AKAP6: variants seen among roughly 807,000 people sequenced by gnomAD.
AKAP6 encodes the protein A-kinase anchor protein 6.
Under a neutral mutation model 188.5 loss-of-function variants are expected in AKAP6, and 58 were observed. The observed-to-expected ratio is 0.31, with a 90% CI of 0.25 to 0.38. The LOEUF (loss-of-function observed/expected upper bound fraction) is 0.38, where lower values mean the gene tolerates loss of function less well. Among genes scored for constraint, AKAP6 ranks in the 10% least tolerant of loss-of-function variants. AKAP6 has a pLI of 1.00. For synonymous variants in AKAP6, 989 were observed against 998.6 expected (o/e 0.99, Z 0.18); for missense variants, 2,710 against 2,740.0 (o/e 0.99, Z 0.24).
chr14:32,443,213 G>A (rs1337693565), intron 2 of AKAP6, among the ~76,000 whole-genome samples: 5 of 152,030 alleles, frequency 3.3e-5, no homozygotes, highest in African/African-American at 9.7e-5. Context: ...GGCCAAGATG[G>A]TGAAATCCTG....
chr14:32,462,039 G>T (rs907543767), intron 2 of AKAP6, among the ~76,000 whole-genome samples: 2 of 151,954 alleles, frequency 1.3e-5, no homozygotes, highest in Non-Finnish European at 2.9e-5. Context: ...GAAAAAGAAT[G>T]AAAAGGAATG....
intron 2 of AKAP6, among the ~76,000 whole-genome samples, chr14:32,510,392 G>GTGTGTATATA (rs1881131205): frequency 2.8e-5 from 1 of 36,080 alleles, no homozygotes; most frequent in Non-Finnish European, 5.5e-5. Context: ...ATATATATAT[G>GTGTGTATATA]TGTATATATA....
At chr14:32,810,566 T>C (rs2034198215) in intron 12 of AKAP6, among the ~76,000 whole-genome samples, 1 of 152,146 alleles carries the variant, frequency 6.6e-6, no homozygotes, top group Non-Finnish European at 1.5e-5. Flanking sequence ...GGAATCAGAG[T>C]ATAAAATCTC....
At chr14:32,495,919 T>C (rs1276595882) in intron 2 of AKAP6, among the ~76,000 whole-genome samples, 1 of 152,212 alleles carries the variant, frequency 6.6e-6, no homozygotes, top group African/African-American at 2.4e-5. Context: ...CCCGTATCAG[T>C]GTAAGTAACA....
intron 9 of AKAP6, among the ~76,000 whole-genome samples, chr14:32,730,574 C>T (rs1224968097): frequency 2.6e-5 from 4 of 152,106 alleles, no homozygotes; most frequent in Middle Eastern, 6.8e-3. Flanking sequence ...GGGGGATGAG[C>T]TTGTCACAAG....
At chr14:32,371,773 G>A (rs1888014340) in intron 1 of AKAP6, among the ~76,000 whole-genome samples, 1 of 152,162 alleles carries the variant, frequency 6.6e-6, no homozygotes, top group Non-Finnish European at 1.5e-5. Flanking sequence ...TACCTCAAAT[G>A]TGGAGACTAG....
At chr14:32,449,254 C>A (rs941747) in intron 2 of AKAP6, among the ~76,000 whole-genome samples, 1 of 151,918 alleles carries the variant, frequency 6.6e-6, no homozygotes, top group East Asian at 1.9e-4. Context: ...ATGCCTGTAA[C>A]CCCAGCACTT....
intron 2 of AKAP6, among the ~76,000 whole-genome samples, chr14:32,515,107 C>A (rs1169396335): frequency 6.6e-6 from 1 of 152,194 alleles, no homozygotes; most frequent in Non-Finnish European, 1.5e-5. Context: ...CTCAGTTCCA[C>A]ATGGCTGGGA....
In AKAP6 at chr14:32,826,441, A is replaced by G. The variant is rs1430534475; in HGVS notation, c.*42+1626A>G. 3.9e-5 allele frequency among the ~76,000 whole-genome samples: 6 copies of G among 152,184 alleles called. No homozygotes were observed. The East Asian group carries it at 7.7e-4, about 20-fold the overall frequency. On this transcript the variant is annotated intron_variant, in intron 13 of 13. Transcript: ENST00000280979. ...CATAAGCTGCTTCAAAACAAGTCCT[A>G]TTAGAACCGATTGTACTGCTGGCTC...
At chr14:32,784,663 TA>T (rs1415896224) in intron 12 of AKAP6, among the ~76,000 whole-genome samples, 1 of 152,222 alleles carries the variant, frequency 6.6e-6, no homozygotes, top group Non-Finnish European at 1.5e-5. Context: ...GTTGCTGTGT[TA>T]CCACTTTTAA....
At chr14:32,383,572 T>C (rs1218055806) in intron 1 of AKAP6, among the ~76,000 whole-genome samples, 1 of 152,142 alleles carries the variant, frequency 6.6e-6, no homozygotes, top group African/African-American at 2.4e-5. Flanking sequence ...CATATATAAA[T>C]TCAACTGGGA....
intron 9 of AKAP6, among the ~76,000 whole-genome samples, chr14:32,724,247 A>C (rs2030723926): frequency 6.6e-6 from 1 of 152,180 alleles, no homozygotes; most frequent in Non-Finnish European, 1.5e-5. Flanking sequence ...CTATGTCATT[A>C]ATAAAATATT....
chr14:32,453,552 G>A (rs1351955982), intron 2 of AKAP6, among the ~76,000 whole-genome samples: 1 of 147,144 alleles, frequency 6.8e-6, no homozygotes, highest in Non-Finnish European at 1.5e-5. Context: ...AAATTCCTGT[G>A]GAGATAATAG....
chr14:32,581,601 G>T (rs1292703624), intron 5 of AKAP6, among the ~76,000 whole-genome samples: 1 of 152,108 alleles, frequency 6.6e-6, no homozygotes, highest in East Asian at 1.9e-4. Context: ...GGTTGTTAAA[G>T]TCTCCCATTA....
intron 9 of AKAP6, among the ~76,000 whole-genome samples, chr14:32,725,471 C>T (rs1467993299): frequency 6.6e-6 from 1 of 152,158 alleles, no homozygotes; most frequent in Non-Finnish European, 1.5e-5. Context: ...TTCTTTTTCA[C>T]TATCCTCCTT....
chr14:32,406,313 G>A (rs1301346090), intron 1 of AKAP6, among the ~76,000 whole-genome samples: 5 of 152,106 alleles, frequency 3.3e-5, no homozygotes, highest in Non-Finnish European at 7.4e-5. Context: ...GGGTTCAAGC[G>A]ATTCTCCTGC....
intron 7 of AKAP6, among the ~76,000 whole-genome samples, chr14:32,656,383 A>G (rs902713629): frequency 6.6e-6 from 1 of 152,174 alleles, no homozygotes; most frequent in Non-Finnish European, 1.5e-5. Flanking sequence ...GCTCACTTTC[A>G]TGACCACTGC....
rs116721188 is a variant in AKAP6 at position 32,352,393 on chromosome 14, A to G, written c.-35+22985A>G. ...ATTTAAGGCATCCATCATCTCAAAC[A>G]TTTATCATTTCCTTGTGGTGAGTGC... On this transcript the variant is annotated intron_variant, in intron 1 of 13. Transcript: ENST00000280979. Among the ~76,000 whole-genome samples the G allele has an allele frequency of 6.6e-3, 1,006 of 152,190 alleles. 11 individuals are homozygous for G. The highest frequency in any genetic ancestry group is 0.023 in the African/African-American group (964 of 41,530).
intron 1 of AKAP6, among the ~76,000 whole-genome samples, chr14:32,394,847 C>T (rs990218381): frequency 6.6e-6 from 1 of 152,094 alleles, no homozygotes; most frequent in Non-Finnish European, 1.5e-5. Flanking sequence ...ATATATTTGC[C>T]ATTCTTAGAA....
Sources: allele counts gnomAD v4.1 joint callset (sites outside exome capture counted in the v4.1 genomes callset), GRCh38; gene constraint gnomAD v4.1.1; transcripts MANE v1.5; gene names NCBI Gene and HGNC (gene_info 2026-07-23, HGNC 2026-07-21).